DLG1: variants seen among roughly 807,000 people sequenced by gnomAD.
DLG1 encodes disks large homolog 1.
A neutral mutation model predicts 123.4 loss-of-function variants in DLG1; 42 were observed. That is an observed-to-expected ratio of 0.34 (90% CI 0.27 to 0.44). DLG1 has a LOEUF of 0.44. DLG1 is among the 20% of genes least tolerant of loss of function. The pLI, the probability that DLG1 is intolerant of heterozygous loss-of-function variation, is 1.00. For missense variants in DLG1, 942 were observed against 1,082.6 expected, an observed-to-expected ratio of 0.87 and a Z score of 1.82; for synonymous variants, 317 against 356.2, an observed-to-expected ratio of 0.89 and a Z score of 1.24.
intron 3 of DLG1, among the ~76,000 whole-genome samples, chr3:197,284,980 G>A (rs1349651750): frequency 7.1e-6 from 1 of 140,684 alleles, no homozygotes; most frequent in African/African-American, 2.6e-5. Flanking sequence ...CAAACTTGAA[G>A]AAAAGCAGTT....
At chr3:197,268,871 A>C (rs1762782989) in intron 4 of DLG1, among the ~76,000 whole-genome samples, 1 of 151,084 alleles carries the variant, frequency 6.6e-6, no homozygotes, top group Non-Finnish European at 1.5e-5. Flanking sequence ...TTTAAATACA[A>C]ACACACACTT....
chr3:197,210,420 T>A lies in DLG1; in HGVS notation c.319-15831A>T, dbSNP rs186654629. Among the ~76,000 whole-genome samples the A allele has an allele frequency of 1.9e-4, 27 of 144,164 alleles. 1 individual carries two copies. Among genetic ancestry groups the A allele is most frequent in the African/African-American group, 6.1e-4 (25 of 41,050 alleles). The allele number at this position is 144,164 out of a possible 152,430, so 94.6% of individuals were successfully genotyped here. A position where few individuals can be genotyped will look rare whatever the true frequency, so the allele number is the denominator to read the frequency against. On this transcript the variant is annotated intron_variant, in intron 4 of 24. Transcript: ENST00000667157. ...AGATCAAGGAAAGAGAGAATATAAT[T>A]ACCAATAATAAAAAATGCAAGAGAG... is the stretch of plus-strand genomic sequence containing the variant.
Position 197,140,032 on chromosome 3 carries a change from C to A in DLG1, c.713+108G>T, listed in dbSNP as rs3773854. 2.7e-5 allele frequency: 33 copies of A among 1,239,776 alleles called. No homozygotes were observed. In the East Asian group the frequency reaches 7.1e-4, roughly 27 times the overall value. 76.8% of individuals were successfully genotyped at this position (1,239,776 alleles called of 1,614,324 possible). On this transcript the variant is annotated intron_variant, in intron 8 of 24. Coordinates refer to ENST00000667157, the MANE Select transcript of DLG1 (RefSeq NM_001366207.1). ...ATGTTGTTAAAGCATCTACCCTATG[C>A]TAGTTATCATGATCGTGTTTGTTAT...
intron 5 of DLG1, chr3:197,161,776 C>T (rs1798874954): frequency 6.1e-6 from 8 of 1,318,564 alleles, no homozygotes; most frequent in Non-Finnish European, 8.5e-6. Flanking sequence ...GGAAAAACAC[C>T]AAAATAAAAG....
intron 5 of DLG1, among the ~76,000 whole-genome samples, chr3:197,173,627 G>C (rs538321744): frequency 3.1e-4 from 47 of 152,206 alleles, no homozygotes; most frequent in African/African-American, 1.1e-3. Context: ...TATATTACCT[G>C]TAAAAAGAAA....
chr3:197,155,293 G>GA (rs1476626834), intron 5 of DLG1, among the ~76,000 whole-genome samples: 1 of 151,938 alleles, frequency 6.6e-6, no homozygotes, highest in African/African-American at 2.4e-5. Context: ...AAAATAAGAC[G>GA]AAAAAAACCC....
chr3:197,044,708 A>G lies in DLG1; in HGVS notation c.2597T>C (p.Leu866Pro). The change falls in exon 25 of 25, where the codon CTG becomes CCG. Residue 866 changes from leucine to proline, a missense_variant. Leu to Pro is a moderately conservative substitution (Grantham distance 98, BLOSUM62 -3). Transcript: ENST00000667157. ...TTTCACTTGGTTGTAAATGTCTTCC[A>G]GCGTATCCCCCTGTACAATAGCTGT... ...HFTAIVQGDTLEDIYNQVKQI... is the reference protein window; with the variant it reads ...HFTAIVQGDTPEDIYNQVKQI... The G allele has an allele frequency of 1.2e-6, 2 of 1,606,338 alleles. No individual in the cohort carries two copies. The highest frequency in any genetic ancestry group is 4.5e-5 in the East Asian group (2 of 44,504).
In DLG1 at chr3:197,115,986, A is replaced by C; in HGVS notation, c.1384T>G (p.Leu462Val). The C allele has an allele frequency of 1.2e-6, 2 of 1,613,378 alleles. No homozygotes were observed. Among genetic ancestry groups the C allele is most frequent in the Non-Finnish European group, 8.5e-7 (1 of 1,179,734 alleles). The change falls in exon 13 of 25, where the codon TTA (leucine) becomes GTA (valine). Residue 462 changes from leucine to valine, a missense_variant. Physicochemically the swap from Leu to Val is conservative, Grantham distance 32. Transcript: ENST00000667157. Reference sequence around the variant, plus strand: ...CTTAGATCAGCAGGTCCTCCGGCTAAGATAAAGGAAATAAATATTCCTTCT... The same window carrying C: ...CTTAGATCAGCAGGTCCTCCGGCTACGATAAAGGAAATAAATATTCCTTCT... ...DGEGIFISFI[L>V]AGGPADLSGE...
chr3:197,154,831 A>G (rs1390597556), intron 5 of DLG1, among the ~76,000 whole-genome samples: 9 of 152,188 alleles, frequency 5.9e-5, no homozygotes, highest in South Asian at 2.1e-4. Flanking sequence ...AGCATATCTG[A>G]GCAGGTAAAA....
intron 10 of DLG1, among the ~76,000 whole-genome samples, chr3:197,132,194 C>G (rs1338528765): frequency 2.6e-5 from 4 of 151,708 alleles, no homozygotes; most frequent in Admixed American, 2.0e-4. Context: ...TGTCTTCTTA[C>G]ATCTTTTCTA....
intron 18 of DLG1, chr3:197,069,888 G>T (rs1436719307): frequency 6.6e-6 from 1 of 152,184 alleles, no homozygotes; most frequent in Non-Finnish European, 1.5e-5. Context: ...AGATGTCTCA[G>T]CTGGAAGGGA....
intron 5 of DLG1, among the ~76,000 whole-genome samples, chr3:197,178,223 T>C (rs1808215464): frequency 6.6e-6 from 1 of 152,168 alleles, no homozygotes; most frequent in Non-Finnish European, 1.5e-5. Flanking sequence ...ACTGCTGTAG[T>C]TCAGGCAACA....
intron 4 of DLG1, among the ~76,000 whole-genome samples, chr3:197,215,936 T>C (rs1733911012): frequency 6.6e-6 from 1 of 152,184 alleles, no homozygotes; most frequent in Non-Finnish European, 1.5e-5. Flanking sequence ...CCTATTAGTT[T>C]GTATCTACTC....
intron 17 of DLG1, 147 bp downstream of exon 17, chr3:197,080,900 GTGCT>G: frequency 3.5e-6 from 2 of 569,156 alleles, no homozygotes; most frequent in Non-Finnish European, 6.0e-6. Context: ...TGTGAAATGG[GTGCT>G]TGAATTTAAC....
intron 4 of DLG1, among the ~76,000 whole-genome samples, chr3:197,256,029 G>C (rs903377302): frequency 1.3e-5 from 2 of 152,158 alleles, no homozygotes; most frequent in Admixed American, 1.3e-4. Flanking sequence ...ATTATTAGAT[G>C]ATGTTAAGAT....
intron 11 of DLG1, among the ~76,000 whole-genome samples, chr3:197,120,889 G>C (rs1776005145): frequency 6.6e-6 from 1 of 152,144 alleles, no homozygotes; most frequent in Non-Finnish European, 1.5e-5. Flanking sequence ...TCTTAACTTT[G>C]AAAGTCCAAA....
intron 18 of DLG1, among the ~76,000 whole-genome samples, chr3:197,074,772 C>T (rs1202129781): frequency 6.6e-6 from 1 of 152,022 alleles, no homozygotes; most frequent in Non-Finnish European, 1.5e-5. Context: ...CAATCTAATA[C>T]AAACTTAAAT....
chr3:197,107,401 C>T (rs369189701), intron 13 of DLG1, among the ~76,000 whole-genome samples: 8 of 151,988 alleles, frequency 5.3e-5, no homozygotes, highest in East Asian at 1.9e-4. Context: ...AAAAATTAGC[C>T]GGGCGTGGTG....
chr3:197,195,329 A>T (rs868610847), intron 4 of DLG1, among the ~76,000 whole-genome samples: 9 of 151,844 alleles, frequency 5.9e-5, no homozygotes, highest in Middle Eastern at 3.4e-3. Flanking sequence ...ATATTTTTTT[A>T]AAAAGGCATA....
Sources: gnomAD v4.1 joint callset for allele counts (sites outside exome capture counted in the v4.1 genomes callset) on GRCh38, gnomAD v4.1.1 for gene constraint, MANE v1.5 for transcripts, NCBI Gene and HGNC (gene_info 2026-07-23, HGNC 2026-07-21) for gene names.